Variants in LRBA observed in about 807,000 individuals in gnomAD.
LRBA encodes LPS responsive beige-like anchor protein.
In LRBA, 176 loss-of-function variants were observed where a neutral mutation model predicts 330.0. That is an observed-to-expected ratio of 0.53 (90% CI 0.47 to 0.60). The LOEUF is 0.60. Among genes scored for constraint, LRBA ranks in the 20% least tolerant of loss-of-function variants. The pLI is 0.00. For missense variants in LRBA, 3,259 were observed against 3,444.8 expected (o/e 0.95, Z 1.35); for synonymous variants, 1,230 against 1,193.0 (o/e 1.03, Z -0.64).
chr4:150,995,414 G>A (rs1326741354), intron 2 of LRBA, among the ~76,000 whole-genome samples: 1 of 151,624 alleles, frequency 6.6e-6, no homozygotes, highest in African/African-American at 2.4e-5. Flanking sequence ...AAACGATGAG[G>A]AACATGAAAA....
intron 40 of LRBA, among the ~76,000 whole-genome samples, chr4:150,510,835 T>C (rs1365857167): frequency 2.0e-5 from 3 of 152,026 alleles, no homozygotes; most frequent in Non-Finnish European, 2.9e-5. Context: ...AATTCTTTTA[T>C]TTTTTATTAT....
chr4:150,660,388 C>G (rs1469097491), intron 37 of LRBA, among the ~76,000 whole-genome samples: 8 of 131,122 alleles, frequency 6.1e-5, no homozygotes, highest in Non-Finnish European at 1.2e-4. Flanking sequence ...GTGGCCCCGT[C>G]CGGGAGGTGA....
intron 48 of LRBA, among the ~76,000 whole-genome samples, chr4:150,338,966 T>C (rs937531985): frequency 2.0e-4 from 30 of 148,728 alleles, no homozygotes; most frequent in Admixed American, 1.7e-3. Context: ...TATTTAATTA[T>C]ACACACACAC....
Position 150,864,644 on chromosome 4 carries a change from C to CTTTTT in LRBA, c.2766+3022_2766+3026dup, listed in dbSNP as rs34280757. Among the ~76,000 whole-genome samples the CTTTTT allele has an allele frequency of 3.8e-3, 450 of 118,414 alleles. 35 individuals carry two copies. Among genetic ancestry groups the CTTTTT allele is most frequent in the African/African-American group, 0.013 (401 of 31,988 alleles). The allele number at this position is 118,414 out of a possible 152,430, so 77.7% of individuals were successfully genotyped here. ...TGAAAAGCTCTCATGGGCCCACGTT[C>CTTTTT]TTTTTTTTTTTTTTTTTTTTGAGAC... is the stretch of plus-strand genomic sequence containing the variant. On this transcript the variant is annotated intron_variant, in intron 22 of 56. Transcript: ENST00000651943.
At chr4:150,397,558 ATGTGCCACCATGC>A (rs1744901261) in intron 47 of LRBA, among the ~76,000 whole-genome samples, 1 of 152,206 alleles carries the variant, frequency 6.6e-6, no homozygotes, top group Non-Finnish European at 1.5e-5. Context: ...GATTATAGAT[ATGTGCCACCATGC>A]CAGGCCTAAG....
chr4:150,867,734 T>A lies in LRBA; in HGVS notation c.2703A>T (p.Ala901=). 6.2e-7 allele frequency: 1 copy of A among 1,613,948 alleles called. No individual in the cohort carries two copies. Among genetic ancestry groups the A allele is most frequent in the Non-Finnish European group, 8.5e-7 (1 of 1,179,882 alleles). Residue 901 remains alanine (A), a synonymous_variant, in exon 22 of 57, where the codon GCA becomes GCT. Coordinates refer to ENST00000651943, the MANE Select transcript of LRBA (RefSeq NM_001364905.1). ...YAIFRILLYH[A]VKYEWGGWRV... Reference sequence around the variant, plus strand: ...GCCAGCCACCCCACTCATATTTGACTGCATGGTAAAGCAGGATTCTGAATA... The same window carrying A: ...GCCAGCCACCCCACTCATATTTGACAGCATGGTAAAGCAGGATTCTGAATA...
chr4:150,976,420 G>C (rs951587293), intron 2 of LRBA, among the ~76,000 whole-genome samples: 1 of 152,128 alleles, frequency 6.6e-6, no homozygotes, highest in Non-Finnish European at 1.5e-5. Flanking sequence ...TTTCCAAACA[G>C]TTGATTACAT....
chr4:150,858,444 A>T (rs1324120023), intron 22 of LRBA, among the ~76,000 whole-genome samples: 1 of 152,132 alleles, frequency 6.6e-6, no homozygotes, highest in Non-Finnish European at 1.5e-5. Context: ...ACTCACACAG[A>T]AATCAGGTAT....
At chr4:150,842,545 A>T (rs1749247724) in intron 28 of LRBA, among the ~76,000 whole-genome samples, 1 of 152,226 alleles carries the variant, frequency 6.6e-6, no homozygotes, top group Admixed American at 6.5e-5. Flanking sequence ...AAGTGAACAG[A>T]GGAGAAAACA....
At chr4:150,614,246 C>G (rs1775551794) in intron 37 of LRBA, among the ~76,000 whole-genome samples, 1 of 152,170 alleles carries the variant, frequency 6.6e-6, no homozygotes, top group African/African-American at 2.4e-5. Flanking sequence ...TAGGCCATGG[C>G]CATGTCATGT....
intron 49 of LRBA, among the ~76,000 whole-genome samples, chr4:150,323,700 T>C (rs553501661): frequency 6.6e-6 from 1 of 152,326 alleles, no homozygotes; most frequent in African/African-American, 2.4e-5. Flanking sequence ...GAAACTCTCT[T>C]GGGCGTTTCA....
intron 40 of LRBA, among the ~76,000 whole-genome samples, chr4:150,494,762 A>G (rs1447688564): frequency 6.6e-6 from 1 of 152,150 alleles, no homozygotes; most frequent in Non-Finnish European, 1.5e-5. Flanking sequence ...TTGGGAGGCC[A>G]AGGCAGGCGG....
chr4:150,418,210 G>A (rs919194063), intron 46 of LRBA, among the ~76,000 whole-genome samples: 1 of 151,848 alleles, frequency 6.6e-6, no homozygotes, highest in South Asian at 2.1e-4. Context: ...CAGTGACAGG[G>A]TCTGGCTATG....
chr4:150,591,383 C>T (rs1772808891), intron 38 of LRBA, among the ~76,000 whole-genome samples: 1 of 152,192 alleles, frequency 6.6e-6, no homozygotes, highest in Non-Finnish European at 1.5e-5. Context: ...GAAGCCATAT[C>T]TGACACTAAT....
Position 150,444,995 on chromosome 4 carries a change from T to C in LRBA, c.6781-8131A>G, listed in dbSNP as rs57926222. On this transcript the variant is annotated intron_variant, in intron 44 of 56. Coordinates refer to ENST00000651943, the MANE Select transcript of LRBA (RefSeq NM_001364905.1). ...AATCCAATGCCACTGCTGAGCTAAATGCCTATAACGACCCCATAGACAGTC... is the reference window on the plus strand; with the variant it reads ...AATCCAATGCCACTGCTGAGCTAAACGCCTATAACGACCCCATAGACAGTC... 5.6e-3 allele frequency among the ~76,000 whole-genome samples: 852 copies of C among 152,224 alleles called. 7 individuals are homozygous for C. The highest frequency in any genetic ancestry group is 0.019 in the African/African-American group (803 of 41,554).
At chr4:150,885,490 A>G (rs999396864) in intron 17 of LRBA, among the ~76,000 whole-genome samples, 1 of 152,042 alleles carries the variant, frequency 6.6e-6, no homozygotes, top group Non-Finnish European at 1.5e-5. Flanking sequence ...GCACAGTGGT[A>G]CATGCCTGTA....
At chr4:150,440,118 T>C (rs1697986122) in intron 44 of LRBA, among the ~76,000 whole-genome samples, 1 of 152,142 alleles carries the variant, frequency 6.6e-6, no homozygotes, top group Admixed American at 6.6e-5. Flanking sequence ...GAGCTTACTG[T>C]ACAATGTAAC....
chr4:150,341,029 G>T (rs560528216), intron 48 of LRBA, among the ~76,000 whole-genome samples: 1 of 152,208 alleles, frequency 6.6e-6, no homozygotes, highest in Non-Finnish European at 1.5e-5. Flanking sequence ...GTGGAAAGTG[G>T]ACTGTAGGTA....
intron 50 of LRBA, among the ~76,000 whole-genome samples, chr4:150,315,972 C>T (rs1488623873): frequency 3.3e-5 from 5 of 152,108 alleles, no homozygotes; most frequent in Non-Finnish European, 5.9e-5. Flanking sequence ...GTAGCAAATA[C>T]TATTTTTTTG....
Sources: gnomAD v4.1 joint callset for allele counts (sites outside exome capture counted in the v4.1 genomes callset) on GRCh38, gnomAD v4.1.1 for gene constraint, MANE v1.5 for transcripts, NCBI Gene and HGNC (gene_info 2026-07-23, HGNC 2026-07-21) for gene names.